NCKAP5: variants seen among roughly 807,000 people sequenced by gnomAD.
NCKAP5 encodes nck-associated protein 5.
NCKAP5 carries 92 observed loss-of-function variants against 167.0 expected under a neutral mutation model. The observed-to-expected ratio is 0.55, with a 90% CI of 0.47 to 0.66. The LOEUF (loss-of-function observed/expected upper bound fraction) is 0.66. NCKAP5 is among the 30% of genes least tolerant of loss of function. The pLI is 0.00. For missense variants in NCKAP5, 2,378 were observed against 2,315.0 expected, an observed-to-expected ratio of 1.03 and a Z score of -0.56; for synonymous variants, 891 against 877.4, an observed-to-expected ratio of 1.02 and a Z score of -0.27.
chr2:133,204,070 G>A (rs556364566), intron 5 of NCKAP5, among the ~76,000 whole-genome samples: 1 of 152,234 alleles, frequency 6.6e-6, no homozygotes, highest in African/African-American at 2.4e-5. Flanking sequence ...CTAGTGTCAG[G>A]CTTAGACGTG....
chr2:133,428,075 G>T (rs2151115092), intron 3 of NCKAP5, among the ~76,000 whole-genome samples: 1 of 152,130 alleles, frequency 6.6e-6, no homozygotes, highest in East Asian at 1.9e-4. Flanking sequence ...ATTACAACAG[G>T]ATTATTTTTG....
chr2:133,055,258 AG>A (rs991231657), intron 6 of NCKAP5, among the ~76,000 whole-genome samples: 1 of 152,180 alleles, frequency 6.6e-6, no homozygotes, highest in African/African-American at 2.4e-5. Flanking sequence ...AAACAAAAAA[AG>A]AATAGAAAAC....
chr2:133,514,749 A>G (rs1683838026), intron 3 of NCKAP5, among the ~76,000 whole-genome samples: 1 of 152,170 alleles, frequency 6.6e-6, no homozygotes, highest in African/African-American at 2.4e-5. Context: ...CCACAAGGAC[A>G]TCTTCTGTTC....
rs1370198994 is a variant in NCKAP5 at position 132,784,440 on chromosome 2, G to A, written c.2371C>T (p.Pro791Ser). The A allele has an allele frequency of 3.7e-6, 6 of 1,610,286 alleles. No homozygotes were observed. Among genetic ancestry groups the A allele is most frequent in the Middle Eastern group, 1.7e-4 (1 of 6,034 alleles). The change falls in exon 14 of 20, where the codon CCC (proline) becomes TCC (serine). Residue 791 changes from proline to serine, a missense_variant. By Grantham distance (74) the Pro-to-Ser change is moderately conservative. Around this residue, in one of 3 missense-constraint regions of NCKAP5, gnomAD observed 1,049 missense variants for 1,023.4 expected, o/e 1.02. Transcript: ENST00000409261. ...TTTTGCTTTTGATAGATGCCCATGG[G>A]TGCCGAAGACCTGGAATTACTCTGG... ...SCQSNSRSSA[P>S]MGIYQKQNLT...
chr2:133,153,100 G>T (rs1473507285), intron 5 of NCKAP5, among the ~76,000 whole-genome samples: 2 of 152,212 alleles, frequency 1.3e-5, no homozygotes, highest in Non-Finnish European at 2.9e-5. Context: ...ACACTAAAAA[G>T]ATCAGTGATT....
chr2:133,550,303 A>G (rs1451256523), intron 2 of NCKAP5, among the ~76,000 whole-genome samples: 2 of 148,938 alleles, frequency 1.3e-5, no homozygotes, highest in Non-Finnish European at 3.0e-5. Flanking sequence ...AAAAAAGAGA[A>G]TTTTAGACCA....
chr2:132,974,683 A>G (rs2076927510), intron 7 of NCKAP5, among the ~76,000 whole-genome samples: 1 of 152,218 alleles, frequency 6.6e-6, no homozygotes, highest in African/African-American at 2.4e-5. Flanking sequence ...CTATCTGAGA[A>G]TCTGTGATCT....
chr2:133,109,388 A>C (rs981975673), intron 6 of NCKAP5, among the ~76,000 whole-genome samples: 18 of 152,312 alleles, frequency 1.2e-4, no homozygotes, highest in African/African-American at 4.3e-4. Context: ...GCAACTCTCT[A>C]CCACTAACTA....
intron 6 of NCKAP5, among the ~76,000 whole-genome samples, chr2:133,025,322 C>G (rs1359271290): frequency 6.6e-6 from 1 of 152,144 alleles, no homozygotes; most frequent in Non-Finnish European, 1.5e-5. Flanking sequence ...AATCAGTCAG[C>G]ATATGTTTAT....
intron 6 of NCKAP5, among the ~76,000 whole-genome samples, chr2:133,080,982 A>G (rs1045635515): frequency 1.3e-5 from 2 of 152,244 alleles, no homozygotes; most frequent in Non-Finnish European, 2.9e-5. Context: ...TGGAATGAAG[A>G]GCATGGGCAG....
chr2:132,781,827 G>T, intron 14 of NCKAP5, 113 bp downstream of exon 14: 1 of 944,524 alleles, frequency 1.1e-6, no homozygotes, highest in Non-Finnish European at 1.6e-6. Context: ...ATTCATTTCT[G>T]CCTGTATGAA....
At chr2:133,304,260 T>C (rs1680614285) in intron 3 of NCKAP5, among the ~76,000 whole-genome samples, 1 of 152,206 alleles carries the variant, frequency 6.6e-6, no homozygotes, top group African/African-American at 2.4e-5. Flanking sequence ...GGACCAGTCC[T>C]GATTTCTTTT....
intron 4 of NCKAP5, among the ~76,000 whole-genome samples, chr2:133,261,563 T>C (rs2088909029): frequency 1.3e-5 from 2 of 152,202 alleles, no homozygotes; most frequent in Admixed American, 1.3e-4. Flanking sequence ...TTTCTTATCA[T>C]ACAAACCCCT....
At chr2:132,881,886 T>C (rs1034634174) in intron 8 of NCKAP5, among the ~76,000 whole-genome samples, 4 of 150,568 alleles carry the variant, frequency 2.7e-5, no homozygotes, top group Admixed American at 2.0e-4. Context: ...CACCTACCTA[T>C]TTAAGCAACC....
intron 5 of NCKAP5, among the ~76,000 whole-genome samples, chr2:133,212,633 G>A (rs918158274): frequency 1.5e-4 from 23 of 152,190 alleles, no homozygotes; most frequent in Admixed American, 4.6e-4. Context: ...CTCCCAAAGT[G>A]TTGAGATAAC....
chr2:133,499,621 A>C (rs1682306678), intron 3 of NCKAP5, among the ~76,000 whole-genome samples: 1 of 152,164 alleles, frequency 6.6e-6, no homozygotes, highest in South Asian at 2.1e-4. Flanking sequence ...GTGCAGCAGC[A>C]CAATCTTGGC....
At chr2:132,752,494 G>A (rs1310016616) in intron 16 of NCKAP5, among the ~76,000 whole-genome samples, 3 of 152,178 alleles carry the variant, frequency 2.0e-5, no homozygotes, top group Non-Finnish European at 4.4e-5. Flanking sequence ...GATTCAGGCT[G>A]GCTGGTGTCT....
At chr2:133,539,258 G>C (rs1360360388) in intron 2 of NCKAP5, among the ~76,000 whole-genome samples, 2 of 151,890 alleles carry the variant, frequency 1.3e-5, no homozygotes, top group Non-Finnish European at 2.9e-5. Context: ...TTATATTATA[G>C]AATAGATGCC....
rs1452820244 is a variant in NCKAP5, at chr2:132,794,247, TATATATATATATATATAGAGAGAGAGAG to T, written c.909+2353_909+2380del. Among the ~76,000 whole-genome samples the T allele has an allele frequency of 8.6e-3, 525 of 60,722 alleles. 5 individuals are homozygous for T. The highest frequency in any genetic ancestry group is 0.032 in the African/African-American group (506 of 15,822). 39.8% of individuals were successfully genotyped at this position (60,722 alleles called of 152,430 possible). On this transcript the variant is annotated intron_variant, in intron 12 of 19. Coordinates refer to ENST00000409261, the MANE Select transcript of NCKAP5 (RefSeq NM_207363.3). Reference sequence around the variant, plus strand: ...ACATATATATATATATATATATATATATATATATATATATATAGAGAGAGAGAGAGAGAGAGAGAGAGAGAGAGAGAGA... The same window carrying T: ...ACATATATATATATATATATATATATAGAGAGAGAGAGAGAGAGAGAGAGA...
Sources: gnomAD v4.1 joint callset for allele counts (sites outside exome capture counted in the v4.1 genomes callset) on GRCh38, gnomAD v4.1.1 for gene constraint, gnomAD v4.1.1 regional missense constraint, MANE v1.5 for transcripts, NCBI Gene and HGNC (gene_info 2026-07-23, HGNC 2026-07-21) for gene names.